Variants in TAF11L12 observed in about 807,000 individuals in gnomAD.
TAF11L12 encodes the protein TATA-box binding protein associated factor 11 like 12.
At chr5:17,610,733 T>G (rs1739259598) in exon 1 of TAF11L12, 1 of 339,732 alleles carries the variant, frequency 2.9e-6, no homozygotes, top group South Asian at 1.5e-4. Flanking sequence ...TGAGAATTTA[T>G]TCTGCATTGA....
exon 1 of TAF11L12, chr5:17,611,422 G>T: frequency 2.5e-6 from 1 of 398,076 alleles, no homozygotes; most frequent in Non-Finnish European, 4.4e-6. Context: ...GGCTGGAATA[G>T]CTAAGGTCTT....
downstream of TAF11L12, chr5:17,611,594 A>G (rs1057122348): frequency 2.5e-6 from 1 of 398,126 alleles, no homozygotes; most frequent in Non-Finnish European, 4.4e-6. Flanking sequence ...GCCCAAGGCC[A>G]GAGGGAAGGG....
chr5:17,611,565 TA>T, the TAF11L12 span: 1 of 397,902 alleles, frequency 2.5e-6, no homozygotes, highest in East Asian at 3.6e-5. Flanking sequence ...ACAGCAACTA[TA>T]AAAAAATCAT....
At chr5:17,611,893 A>G (rs1406532584), downstream of TAF11L12, among the ~76,000 whole-genome samples, 1 of 151,124 alleles carries the variant, frequency 6.6e-6, no homozygotes, top group Non-Finnish European at 1.5e-5. Flanking sequence ...TGGAGAGGGA[A>G]ACCCTTTCCA....
downstream of TAF11L12, among the ~76,000 whole-genome samples, chr5:17,611,933 T>C (rs1434684826): frequency 6.6e-6 from 1 of 151,402 alleles, no homozygotes; most frequent in Admixed American, 6.6e-5. Flanking sequence ...TTCTGAAGCC[T>C]GGTGTTGCTG....
downstream of TAF11L12, chr5:17,611,674 A>C: frequency 2.5e-6 from 1 of 396,620 alleles, no homozygotes; most frequent in Non-Finnish European, 4.4e-6. Context: ...GAGCTTCCTT[A>C]TCTCAGTCCA....
exon 1 of TAF11L12, chr5:17,611,018 C>T (rs1739265623): frequency 2.5e-6 from 1 of 397,784 alleles, no homozygotes; most frequent in South Asian, 1.3e-4. Flanking sequence ...AGAGGTGCGT[C>T]TGCTGAGATG....
At chr5:17,610,674 A>G (rs1478574030) in exon 1 of TAF11L12, 6 of 246,936 alleles carry the variant, frequency 2.4e-5, no homozygotes, top group Non-Finnish European at 4.6e-5. Flanking sequence ...TTGGCCTAGC[A>G]GTACTTCTGA....
downstream of TAF11L12, among the ~76,000 whole-genome samples, chr5:17,611,774 C>A (rs1201008277): frequency 2.0e-5 from 3 of 151,524 alleles, 1 homozygote; most frequent in African/African-American, 4.9e-5. Context: ...GTAGCCTTGG[C>A]TAAATGTTTG....
downstream of TAF11L12, among the ~76,000 whole-genome samples, chr5:17,612,001 T>C (rs1034965310): frequency 8.6e-5 from 13 of 151,456 alleles, 1 homozygote; most frequent in Non-Finnish European, 1.6e-4. Context: ...CAGAAATGTT[T>C]CCCAATTGTT....
exon 1 of TAF11L12, chr5:17,610,736 T>A (rs1739259642): frequency 8.7e-6 from 3 of 343,808 alleles, no homozygotes; most frequent in Non-Finnish European, 1.0e-5. Flanking sequence ...GAATTTATTC[T>A]GCATTGATCT....
rs908205362 is a variant in TAF11L12 at position 17,611,308 on chromosome 5, C to T, written c.319C>T (p.Arg107Cys). The T allele has an allele frequency of 2.3e-5, 9 of 397,962 alleles. No homozygotes were observed. The South Asian group carries it at 3.8e-4, about 17-fold the overall frequency. The allele number at this position is 397,962 out of a possible 1,614,324, so 24.7% of individuals were successfully genotyped here. ...TGCCATGTCTGAGGAGCAGCTATCC[C>T]GCTACGAAGTGTGTCGCCGGTCAGC... Residue 107 changes from arginine (R) to cysteine (C), a missense_variant, in exon 1 of 1, where the codon CGC becomes TGC. Physicochemically the swap from Arg to Cys is radical, Grantham distance 180 (BLOSUM62 -3). Coordinates refer to ENST00000503184, the Ensembl canonical transcript of TAF11L12.
chr5:17,611,520 C>T lies in TAF11L12; in HGVS notation c.531C>T (p.Ala177=), dbSNP rs546996396. ...TGCAGCCCAAGCATTTAAGGGAGGC[C>T]GTTCGCAGGTTAAAGCCCAAGGGCC... Residue 177 remains alanine, a synonymous_variant, in exon 1 of 1, where the codon GCC becomes GCT. Coordinates refer to ENST00000503184, the Ensembl canonical transcript of TAF11L12. 36 of 397,792 alleles carry T rather than the reference C, an allele frequency of 9.0e-5. 2 individuals are homozygous for T. The highest frequency in any genetic ancestry group is 5.1e-4 in the South Asian group (4 of 7,826). 24.6% of individuals were successfully genotyped at this position (397,792 alleles called of 1,614,324 possible). A position where few individuals can be genotyped will look rare whatever the true frequency, so the allele number is the denominator to read the frequency against.
exon 1 of TAF11L12, chr5:17,610,806 T>A (rs901908729): frequency 2.6e-6 from 1 of 388,610 alleles, no homozygotes; most frequent in African/African-American, 2.1e-5. Context: ...GAACATTCAG[T>A]GTGTGTGTTT....
rs1162798308 is a variant in TAF11L12 at position 17,611,440 on chromosome 5, G to A, written c.451G>A (p.Glu151Lys). ...TGGAATAGCTAAGGTCTTGGTTGGA[G>A]AGGTGGTGGAAGAGGCCCTGGACGT... is the stretch of plus-strand genomic sequence containing the variant. The change falls in exon 1 of 1, where the codon GAG becomes AAG. Residue 151 changes from glutamate to lysine, a missense_variant. Physicochemically the swap from Glu to Lys is moderately conservative, Grantham distance 56. Transcript: ENST00000503184. The A allele has an allele frequency of 6.5e-4, 258 of 398,110 alleles. 7 individuals carry two copies. The East Asian group carries it at 9.1e-3, about 14-fold the overall frequency. 24.7% of individuals were successfully genotyped at this position (398,110 alleles called of 1,614,324 possible).
Position 17,610,635 on chromosome 5 carries a change from T to C in TAF11L12, c.-355T>C, listed in dbSNP as rs764755538. ...CAGCCAGACCCATCCTGGAGGTCCG[T>C]CATGTGACTCTGAGCAGGAGGCAGT... On this transcript the variant is annotated 5_prime_UTR_variant, in exon 1 of 1. Coordinates refer to ENST00000503184, the Ensembl canonical transcript of TAF11L12. 8 of 211,336 alleles carry C rather than the reference T, an allele frequency of 3.8e-5. 1 individual carries two copies. Among genetic ancestry groups the C allele is most frequent in the Non-Finnish European group, 6.5e-5 (7 of 107,740 alleles). 13.1% of individuals were successfully genotyped at this position (211,336 alleles called of 1,614,324 possible).
exon 1 of TAF11L12, chr5:17,611,104 C>T (rs180945324): frequency 5.0e-6 from 2 of 397,848 alleles, no homozygotes; most frequent in East Asian, 7.1e-5. Context: ...CTTGGAAGAA[C>T]CCAGGGATCA....
rs147867780 is a variant in TAF11L12, at chr5:17,611,182, G to A, written c.193G>A (p.Ala65Thr). 1.3e-3 allele frequency: 506 copies of A among 398,154 alleles called. 16 individuals are homozygous for A. The East Asian group carries it at 0.018, about 14-fold the overall frequency. 24.7% of individuals were successfully genotyped at this position (398,154 alleles called of 1,614,324 possible). A position where few individuals can be genotyped will look rare whatever the true frequency, so the allele number is the denominator to read the frequency against. Residue 65 changes from alanine (A) to threonine (T), a missense_variant, in exon 1 of 1, where the codon GCT becomes ACT. Transcript: ENST00000503184. ...AGGTGACAATGAAGCATCAGCCTCAGCTCCTCCTGCAGCCAAAAGACAGAA... is the reference window on the plus strand; with the variant it reads ...AGGTGACAATGAAGCATCAGCCTCAACTCCTCCTGCAGCCAAAAGACAGAA...
downstream of TAF11L12, among the ~76,000 whole-genome samples, chr5:17,611,894 A>G (rs550432614): frequency 7.3e-5 from 11 of 150,864 alleles, no homozygotes; most frequent in African/African-American, 2.2e-4. Context: ...GGAGAGGGAA[A>G]CCCTTTCCAG....
Sources: allele counts gnomAD v4.1 joint callset (sites outside exome capture counted in the v4.1 genomes callset), GRCh38; gene constraint gnomAD v4.1.1; transcripts MANE v1.5; gene names NCBI Gene and HGNC (gene_info 2026-07-23, HGNC 2026-07-21).